Variants in HS3ST4 observed in about 807,000 individuals in gnomAD.
The protein encoded by HS3ST4 is heparan sulfate-glucosamine 3-sulfotransferase 4.
Under a neutral mutation model 29.2 loss-of-function variants are expected in HS3ST4, and 17 were observed. The observed-to-expected ratio is 0.58, with a 90% CI of 0.40 to 0.87. The LOEUF (loss-of-function observed/expected upper bound fraction) is 0.87, where lower values mean the gene tolerates loss of function less well. Among genes scored for constraint, HS3ST4 ranks in the 40% least tolerant of loss-of-function variants. The probability of loss-of-function intolerance (pLI) is 0.00; values close to 1 mark genes in which losing one functional copy is unlikely to be tolerated. For missense variants in HS3ST4, 627 were observed against 634.5 expected, an observed-to-expected ratio of 0.99 and a Z score of 0.13; for synonymous variants, 314 against 285.7, an observed-to-expected ratio of 1.10 and a Z score of -1.00.
intron 1 of HS3ST4, among the ~76,000 whole-genome samples, chr16:25,721,762 A>G (rs767058740): frequency 2.0e-5 from 3 of 152,204 alleles, no homozygotes; most frequent in South Asian, 2.1e-4. Flanking sequence ...AGAAGGAGGG[A>G]AAGAACGTCA....
chr16:25,903,273 C>T (rs867929190), intron 1 of HS3ST4, among the ~76,000 whole-genome samples: 8 of 58,418 alleles, frequency 1.4e-4, no homozygotes, highest in Admixed American at 4.1e-4. Context: ...GAAGAATATA[C>T]GTGTGTGTGT....
intron 1 of HS3ST4, among the ~76,000 whole-genome samples, chr16:26,101,162 AG>A (rs1403011699): frequency 6.6e-6 from 1 of 152,186 alleles, no homozygotes; most frequent in East Asian, 1.9e-4. Flanking sequence ...TTCTCCCTTC[AG>A]CAGGCTTCTG....
At chr16:25,712,932 G>A (rs1966427016) in intron 1 of HS3ST4, among the ~76,000 whole-genome samples, 2 of 152,034 alleles carry the variant, frequency 1.3e-5, no homozygotes, top group African/African-American at 2.4e-5. Context: ...GCTTGCAGAC[G>A]GCTCTATTCT....
intron 1 of HS3ST4, among the ~76,000 whole-genome samples, chr16:26,055,792 A>G (rs980221782): frequency 6.6e-6 from 1 of 152,058 alleles, no homozygotes; most frequent in Non-Finnish European, 1.5e-5. Context: ...ATGCTGATAT[A>G]TTGTAGCTCA....
At chr16:26,072,097 G>A (rs1301442490) in intron 1 of HS3ST4, among the ~76,000 whole-genome samples, 2 of 152,192 alleles carry the variant, frequency 1.3e-5, no homozygotes, top group East Asian at 3.9e-4. Flanking sequence ...TCAGCAGAGA[G>A]TCATGTGAAA....
intron 1 of HS3ST4, among the ~76,000 whole-genome samples, chr16:26,014,793 A>G (rs1376171652): frequency 6.6e-6 from 1 of 152,116 alleles, no homozygotes; most frequent in Non-Finnish European, 1.5e-5. Flanking sequence ...TATCATCACC[A>G]TTTTACACTT....
In HS3ST4 at chr16:25,715,119, G is replaced by A. The variant is rs947992925; in HGVS notation, c.734+21968G>A. Among the ~76,000 whole-genome samples the A allele has an allele frequency of 2.6e-5, 4 of 151,750 alleles. No homozygotes were observed. In the East Asian group the frequency reaches 7.7e-4, roughly 29 times the overall value. ...GGGTGGATCACGAGGTCAGGAGATCGAGACCATCCTGGCTAACAAGGTGAA... is the reference window on the plus strand; with the variant it reads ...GGGTGGATCACGAGGTCAGGAGATCAAGACCATCCTGGCTAACAAGGTGAA... On this transcript the variant is annotated intron_variant, in intron 1 of 1. Transcript: ENST00000331351.
At chr16:25,968,247 T>C (rs1421432579) in intron 1 of HS3ST4, among the ~76,000 whole-genome samples, 1 of 152,208 alleles carries the variant, frequency 6.6e-6, no homozygotes, top group African/African-American at 2.4e-5. Context: ...ATGGACATCA[T>C]GCCAGCAAAT....
chr16:25,883,911 T>G (rs930875385), intron 1 of HS3ST4, among the ~76,000 whole-genome samples: 9 of 152,132 alleles, frequency 5.9e-5, no homozygotes, highest in Admixed American at 4.6e-4. Flanking sequence ...GGTCAGGAGA[T>G]CGAGACCAGC....
intron 1 of HS3ST4, among the ~76,000 whole-genome samples, chr16:25,885,736 G>A (rs1041270037): frequency 2.0e-5 from 3 of 151,834 alleles, no homozygotes; most frequent in African/African-American, 7.2e-5. Flanking sequence ...GTATATGTGT[G>A]TAAACATTTT....
chr16:26,135,901 A>G lies in HS3ST4; in HGVS notation c.1024A>G (p.Asn342Asp). The change falls in exon 2 of 2, where the codon AAC (asparagine) becomes GAC (aspartate). Residue 342 changes from asparagine (N) to aspartate (D), a missense_variant. By Grantham distance (23) the Asn-to-Asp change is conservative (BLOSUM62 1). Transcript: ENST00000331351. ...AGGGATCTATGCGCTGCATCTGGAA[A>G]ACTGGCTCCAGTATTTCCCCCTCTC... ...RIGIYALHLE[N>D]WLQYFPLSQI... is the part of the protein sequence containing the mutation. 1 of 1,613,924 alleles carries G rather than the reference A, an allele frequency of 6.2e-7. No individual in the cohort carries two copies. Among genetic ancestry groups the G allele is most frequent in the East Asian group, 2.2e-5 (1 of 44,858 alleles).
At chr16:25,794,707 G>T (rs916662893) in intron 1 of HS3ST4, among the ~76,000 whole-genome samples, 1 of 151,690 alleles carries the variant, frequency 6.6e-6, no homozygotes, top group African/African-American at 2.4e-5. Context: ...TTATCTATGA[G>T]GTATTTAGGT....
At chr16:25,780,759 T>C (rs1465388734) in intron 1 of HS3ST4, among the ~76,000 whole-genome samples, 1 of 152,202 alleles carries the variant, frequency 6.6e-6, no homozygotes, top group Non-Finnish European at 1.5e-5. Context: ...TGGAAATAAT[T>C]GTTTTTAACT....
intron 1 of HS3ST4, among the ~76,000 whole-genome samples, chr16:25,964,143 C>G (rs780070274): frequency 4.6e-5 from 7 of 151,216 alleles, no homozygotes; most frequent in Non-Finnish European, 1.0e-4. Flanking sequence ...CCATTGCACT[C>G]CAGCCTGAGT....
chr16:25,934,158 T>C (rs1056161326), intron 1 of HS3ST4, among the ~76,000 whole-genome samples: 2 of 152,166 alleles, frequency 1.3e-5, no homozygotes, highest in Non-Finnish European at 2.9e-5. Flanking sequence ...CCTTGGCTCT[T>C]TTAGCCTGTT....
At chr16:25,739,651 G>A (rs377166448) in intron 1 of HS3ST4, among the ~76,000 whole-genome samples, 2 of 152,312 alleles carry the variant, frequency 1.3e-5, no homozygotes, top group East Asian at 3.9e-4. Flanking sequence ...GATGGGTGAT[G>A]TCTTAAGCTG....
At chr16:25,820,478 C>T (rs1256368095) in intron 1 of HS3ST4, among the ~76,000 whole-genome samples, 2 of 152,146 alleles carry the variant, frequency 1.3e-5, no homozygotes, top group African/African-American at 4.8e-5. Flanking sequence ...ACTGTAGCCT[C>T]GACCTCTTGG....
At chr16:26,058,756 C>T (rs1898441468) in intron 1 of HS3ST4, among the ~76,000 whole-genome samples, 2 of 152,138 alleles carry the variant, frequency 1.3e-5, no homozygotes, top group African/African-American at 4.8e-5. Context: ...GCTTTGGAAG[C>T]GTCGTCAGAA....
chr16:26,050,711 A>T (rs1236215945), intron 1 of HS3ST4, among the ~76,000 whole-genome samples: 1 of 152,132 alleles, frequency 6.6e-6, no homozygotes, highest in Non-Finnish European at 1.5e-5. Context: ...CGTCCAGCGG[A>T]CAGAGGCATA....
Sources: gnomAD v4.1 joint callset for allele counts (sites outside exome capture counted in the v4.1 genomes callset) on GRCh38, gnomAD v4.1.1 for gene constraint, MANE v1.5 for transcripts, NCBI Gene and HGNC (gene_info 2026-07-23, HGNC 2026-07-21) for gene names.